The following GIGYF2 variants were observed in gnomAD, a reference collection of about 807,000 sequenced individuals.
The protein encoded by GIGYF2 is GRB10 interacting GYF protein 2.
A neutral mutation model predicts 208.1 loss-of-function variants in GIGYF2; 25 were observed. That is an observed-to-expected ratio of 0.12 (90% CI 0.09 to 0.17). The LOEUF is 0.17. GIGYF2 is among the 10% of genes least tolerant of loss of function. GIGYF2 has a pLI of 1.00. For synonymous variants in GIGYF2, 534 were observed against 543.8 expected (o/e 0.98, Z 0.25); for missense variants, 1,302 against 1,579.4 (o/e 0.82, Z 2.98).
Position 232,750,534 on chromosome 2 carries a change from T to C in GIGYF2, c.267+1452T>C, listed in dbSNP as rs538838005. On this transcript the variant is annotated intron_variant, in intron 5 of 28. Transcript: ENST00000373563. ...TACTTCCAACATCAAGTATTTTTATTGAAAGACTTCCCTGAAGATTTGGAA... is the reference window on the plus strand; with the variant it reads ...TACTTCCAACATCAAGTATTTTTATCGAAAGACTTCCCTGAAGATTTGGAA... 8.8e-4 allele frequency among the ~76,000 whole-genome samples: 134 copies of C among 152,356 alleles called. 1 individual carries two copies. The highest frequency in any genetic ancestry group is 3.9e-3 in the East Asian group (20 of 5,184).
rs375429302 is a variant in GIGYF2, at chr2:232,760,603, C to T, written c.491+12C>T. On this transcript the variant is annotated intron_variant, in intron 7 of 28. Transcript: ENST00000373563. The stretch of plus-strand genomic sequence containing the variant: ...AGCTGGGAGGAAAGGTAACTGGATC[C>T]ACATATTGGCATAAAAATTTCTTGG... 3,793 of 1,514,474 alleles carry T rather than the reference C, an allele frequency of 2.5e-3. 41 individuals carry two copies. In the Middle Eastern group the frequency reaches 0.044, roughly 18 times the overall value. The allele number at this position is 1,514,474 out of a possible 1,614,324, so 93.8% of individuals were successfully genotyped here.
At chr2:232,851,154 C>G (rs757875840) in intron 28 of GIGYF2, among the ~76,000 whole-genome samples, 1 of 152,066 alleles carries the variant, frequency 6.6e-6, no homozygotes, top group Non-Finnish European at 1.5e-5. Context: ...GACCATATCT[C>G]TAAAAAAAAT....
At chr2:232,836,565 CAAAAA>C (rs554171454) in intron 22 of GIGYF2, among the ~76,000 whole-genome samples, 2 of 55,870 alleles carry the variant, frequency 3.6e-5, no homozygotes, top group Non-Finnish European at 3.8e-5. Flanking sequence ...GACCCTGTCT[CAAAAA>C]AAAAAAAAAA....
intron 6 of GIGYF2, 117 bp downstream of exon 6, chr2:232,756,451 A>G (rs1179951912): frequency 1.7e-5 from 10 of 587,778 alleles, no homozygotes; most frequent in Non-Finnish European, 2.7e-5. Flanking sequence ...TTAACTGCAT[A>G]CTAAATGTCC....
At chr2:232,701,885 TG>T (rs1695862024) in intron 1 of GIGYF2, among the ~76,000 whole-genome samples, 1 of 152,130 alleles carries the variant, frequency 6.6e-6, no homozygotes, top group Non-Finnish European at 1.5e-5. Flanking sequence ...AACTCTTCTT[TG>T]GCTGGGTGCA....
intron 21 of GIGYF2, among the ~76,000 whole-genome samples, chr2:232,831,454 G>C (rs973242651): frequency 2.0e-5 from 3 of 152,120 alleles, no homozygotes; most frequent in Non-Finnish European, 4.4e-5. Flanking sequence ...TTGTTTTCTG[G>C]TGGAGTATAA....
intron 8 of GIGYF2, chr2:232,767,057 TA>T (rs1227824113): frequency 6.6e-6 from 1 of 152,036 alleles, no homozygotes; most frequent in African/African-American, 2.4e-5. Flanking sequence ...ATAGATAAAA[TA>T]AAAAACAGAG....
intron 8 of GIGYF2, chr2:232,770,951 G>C (rs2106339345): frequency 6.2e-7 from 1 of 1,614,008 alleles, no homozygotes. Flanking sequence ...TGTATGGCAA[G>C]TAAGGCGATT....
At chr2:232,767,698 G>T in intron 8 of GIGYF2, 1 of 165,884 alleles carries the variant, frequency 6.0e-6, no homozygotes, top group South Asian at 1.6e-4. Flanking sequence ...ATAGTATAAA[G>T]AACCAAATGA....
At chr2:232,846,693 G>C (rs537948253) in intron 26 of GIGYF2, among the ~76,000 whole-genome samples, 25 of 152,346 alleles carry the variant, frequency 1.6e-4, no homozygotes, top group Admixed American at 6.5e-4. Flanking sequence ...CACTCTCTTG[G>C]AGTTAACATG....
intron 13 of GIGYF2, among the ~76,000 whole-genome samples, chr2:232,795,348 C>T (rs1487112378): frequency 6.6e-6 from 1 of 152,118 alleles, no homozygotes; most frequent in Non-Finnish European, 1.5e-5. Context: ...TAAATTTCCC[C>T]AAGATTGTGT....
In GIGYF2 at chr2:232,738,031, C is replaced by T. The variant is rs550539618; in HGVS notation, c.41+2793C>T. Among the ~76,000 whole-genome samples the T allele has an allele frequency of 5.3e-5, 8 of 151,048 alleles. No homozygotes were observed. The East Asian group carries it at 1.6e-3, about 30-fold the overall frequency. On this transcript the variant is annotated intron_variant, in intron 3 of 28. Coordinates refer to ENST00000373563, the MANE Select transcript of GIGYF2 (RefSeq NM_001103146.3). ...TCCAGGGTTCAAGTGATTCTTCTCC[C>T]TCAACCTCCTGAGTAGCTGAGATTA...
rs1361124254 is a variant in GIGYF2, at chr2:232,817,022, G to A, written c.2360G>A (p.Arg787Gln). ...RKRREEEELA[R>Q]RKQEEALRRQ... is the part of the protein sequence containing the mutation. ...AGGCGAGAGGAAGAAGAACTTGCCC[G>A]AAGGAAACAGGTATGTATCTGGGAA... is the stretch of plus-strand genomic sequence containing the variant. Residue 787 changes from arginine to glutamine, a missense_variant, in exon 20 of 29, where the codon CGA becomes CAA. Physicochemically the swap from Arg to Gln is conservative, Grantham distance 43. Transcript: ENST00000373563. The A allele has an allele frequency of 5.0e-6, 8 of 1,611,910 alleles. No homozygotes were observed. Among genetic ancestry groups the A allele is most frequent in the East Asian group, 2.2e-5 (1 of 44,862 alleles).
chr2:232,705,920 G>C (rs1378750034), intron 2 of GIGYF2: 1 of 152,068 alleles, frequency 6.6e-6, no homozygotes, highest in African/African-American at 2.4e-5. Flanking sequence ...GGCCAGGCTG[G>C]TCTGGAACTC....
chr2:232,834,993 C>A lies in GIGYF2; in HGVS notation c.2766+1900C>A, dbSNP rs138573627. Among the ~76,000 whole-genome samples, 431 of 152,292 alleles carry A rather than the reference C, an allele frequency of 2.8e-3. 1 individual carries two copies. Among genetic ancestry groups the A allele is most frequent in the Non-Finnish European group, 4.3e-3 (291 of 68,030 alleles). ...TAGGTGATTGTTCAACCCTTACTCA[C>A]CTCGTATTCTCCCAGCTTTGGGGGT... On this transcript the variant is annotated intron_variant, in intron 22 of 28. Coordinates refer to ENST00000373563, the MANE Select transcript of GIGYF2 (RefSeq NM_001103146.3).
chr2:232,776,503 T>G (rs1466616920), intron 8 of GIGYF2: 1 of 1,359,028 alleles, frequency 7.4e-7, no homozygotes, highest in East Asian at 2.3e-5. Context: ...ATTTACAGAG[T>G]CTGCCTTTTT....
chr2:232,728,814 A>G (rs1246165616), intron 2 of GIGYF2, among the ~76,000 whole-genome samples: 1 of 152,188 alleles, frequency 6.6e-6, no homozygotes, highest in African/African-American at 2.4e-5. Context: ...TAATGGAGGA[A>G]AAGGGAGGTC....
intron 22 of GIGYF2, among the ~76,000 whole-genome samples, chr2:232,835,199 A>T (rs906147507): frequency 3.9e-5 from 6 of 152,196 alleles, no homozygotes; most frequent in African/African-American, 1.4e-4. Context: ...GTAGCATTCC[A>T]TGCCTTATAT....
intron 2 of GIGYF2, among the ~76,000 whole-genome samples, chr2:232,730,368 G>A (rs546114589): frequency 5.1e-4 from 77 of 152,148 alleles, no homozygotes; most frequent in African/African-American, 1.7e-3. Flanking sequence ...ACTTTGGGAG[G>A]CCGAGGCAGG....
Sources: allele counts gnomAD v4.1 joint callset (sites outside exome capture counted in the v4.1 genomes callset), GRCh38; gene constraint gnomAD v4.1.1; transcripts MANE v1.5; gene names NCBI Gene and HGNC (gene_info 2026-07-23, HGNC 2026-07-21).